Variants in TANC1 observed in about 807,000 individuals in gnomAD.
The protein encoded by TANC1 is protein TANC1.
Under a neutral mutation model 149.7 loss-of-function variants are expected in TANC1, and 77 were observed. That is an observed-to-expected ratio of 0.51 (90% CI 0.43 to 0.62). The LOEUF (loss-of-function observed/expected upper bound fraction) is 0.62, where lower values mean the gene tolerates loss of function less well. Among genes scored for constraint, TANC1 ranks in the 20% least tolerant of loss-of-function variants. The pLI, the probability that TANC1 is intolerant of heterozygous loss-of-function variation, is 0.00. For missense variants in TANC1, 1,985 were observed against 2,321.8 expected (o/e 0.85, Z 2.98); for synonymous variants, 854 against 925.0 (o/e 0.92, Z 1.39).
intron 16 of TANC1, among the ~76,000 whole-genome samples, chr2:159,187,485 G>A (rs577962655): frequency 1.3e-5 from 2 of 152,306 alleles, no homozygotes; most frequent in African/African-American, 4.8e-5. Context: ...CTATGGAAAG[G>A]GTATCAGCAT....
At chr2:159,219,977 A>C in intron 22 of TANC1, 110 bp downstream of exon 22, 1 of 558,970 alleles carries the variant, frequency 1.8e-6, no homozygotes, top group Non-Finnish European at 3.0e-6. Context: ...GTCATCAGAG[A>C]GTGTGTGTGT....
intron 16 of TANC1, among the ~76,000 whole-genome samples, chr2:159,192,799 G>C (rs1406543844): frequency 2.0e-5 from 3 of 152,074 alleles, no homozygotes; most frequent in African/African-American, 7.2e-5. Flanking sequence ...ACAGGCGTGC[G>C]CCACCACGCT....
chr2:159,222,079 T>C (rs994320515), intron 22 of TANC1, among the ~76,000 whole-genome samples: 1 of 152,220 alleles, frequency 6.6e-6, no homozygotes, highest in Non-Finnish European at 1.5e-5. Context: ...TTCAATGGTA[T>C]AAACTTCAGT....
chr2:159,219,722 G>A lies in TANC1; in HGVS notation c.3533G>A (p.Gly1178Asp). 1 of 1,614,222 alleles carries A rather than the reference G, an allele frequency of 6.2e-7. No homozygotes were observed. Among genetic ancestry groups the A allele is most frequent in the African/African-American group, 1.3e-5 (1 of 75,056 alleles). The change falls in exon 22 of 27, where the codon GGT (glycine) becomes GAT (aspartate). Residue 1178 changes from glycine (G) to aspartate (D), a missense_variant. Transcript: ENST00000263635. ...GCCCTTTCTTCTCTAGACAAAGAGG[G>A]TCTGTCAGCATTAAGCTGGGCTTGT... ...GAALSSLDKE[G>D]LSALSWACLK...
chr2:159,052,964 G>A (rs1207034728), intron 2 of TANC1, among the ~76,000 whole-genome samples: 1 of 152,214 alleles, frequency 6.6e-6, no homozygotes, highest in East Asian at 1.9e-4. Flanking sequence ...AGTTTTCTTT[G>A]TAATAAGACT....
intron 19 of TANC1, among the ~76,000 whole-genome samples, chr2:159,209,679 A>G (rs973020401): frequency 1.3e-5 from 2 of 152,182 alleles, no homozygotes; most frequent in African/African-American, 4.8e-5. Context: ...TAAAAAAAAG[A>G]AAAAATCCTA....
chr2:159,066,952 T>C (rs2042724958), intron 3 of TANC1, among the ~76,000 whole-genome samples: 1 of 152,214 alleles, frequency 6.6e-6, no homozygotes, highest in Non-Finnish European at 1.5e-5. Flanking sequence ...AATAAAAATA[T>C]GTTAGCATGA....
In TANC1 at chr2:159,175,114, A is replaced by G. The variant is rs1247689446; in HGVS notation, c.1665A>G (p.Arg555=). ...AACTACAGAGCATGCTGAGCCTCCG[A>G]TCCTGTGTGCAGGACCCGGTGGCAG... The part of the protein sequence containing the change: ...EPQLQSMLSL[R]SCVQDPVAAF... The change falls in exon 12 of 27, where the codon CGA becomes CGG. Residue 555 remains arginine, a synonymous_variant. Coordinates refer to ENST00000263635, the MANE Select transcript of TANC1 (RefSeq NM_033394.3). 5 of 1,614,070 alleles carry G rather than the reference A, an allele frequency of 3.1e-6. No individual in the cohort carries two copies. Among genetic ancestry groups the G allele is most frequent in the Non-Finnish European group, 4.2e-6 (5 of 1,180,038 alleles).
chr2:159,088,229 A>G (rs542683644), intron 3 of TANC1, among the ~76,000 whole-genome samples: 40 of 152,212 alleles, frequency 2.6e-4, no homozygotes, highest in Non-Finnish European at 5.1e-4. Flanking sequence ...TTTTGTTTGT[A>G]TCCTAGTAAA....
intron 2 of TANC1, among the ~76,000 whole-genome samples, chr2:159,004,641 G>A (rs1028801414): frequency 2.0e-5 from 3 of 151,928 alleles, no homozygotes; most frequent in African/African-American, 7.3e-5. Context: ...GGGTATGTGT[G>A]TATATAGTGG....
At chr2:159,063,750 G>A (rs2042433183) in intron 2 of TANC1, among the ~76,000 whole-genome samples, 1 of 152,236 alleles carries the variant, frequency 6.6e-6, no homozygotes, top group African/African-American at 2.4e-5. Flanking sequence ...TGGAAGGTAT[G>A]TCTATCCTGA....
At chr2:159,201,594 T>C (rs1449575648) in intron 19 of TANC1, among the ~76,000 whole-genome samples, 2 of 152,198 alleles carry the variant, frequency 1.3e-5, no homozygotes, top group Admixed American at 1.3e-4. Flanking sequence ...TCCTCATTCC[T>C]GGGTGTAGTC....
At chr2:159,132,861 AG>A (rs1574876327) in intron 4 of TANC1, among the ~76,000 whole-genome samples, 1 of 151,948 alleles carries the variant, frequency 6.6e-6, no homozygotes, top group Non-Finnish European at 1.5e-5. Flanking sequence ...CTGGCTCCTC[AG>A]GGTTGAGTCT....
In TANC1 at chr2:159,041,621, G is replaced by A. The variant is rs111625335; in HGVS notation, c.-15-24275G>A. ...GCAGGATATAATCTCCTGGTGTGCC[G>A]TTTGCTAAGACAGTTGGAAAAGTGC... On this transcript the variant is annotated intron_variant, in intron 2 of 26. Transcript: ENST00000263635. 3.3e-5 allele frequency among the ~76,000 whole-genome samples: 5 copies of A among 152,328 alleles called. No individual in the cohort carries two copies. In the South Asian group the frequency reaches 6.2e-4, roughly 19 times the overall value.
At chr2:158,977,825 G>A (rs1031248261) in intron 1 of TANC1, among the ~76,000 whole-genome samples, 2 of 152,086 alleles carry the variant, frequency 1.3e-5, no homozygotes, top group East Asian at 3.9e-4. Context: ...AGGCCCAGCT[G>A]TCCTCTCCTT....
At chr2:158,980,780 A>G (rs1180444405) in intron 1 of TANC1, among the ~76,000 whole-genome samples, 1 of 152,082 alleles carries the variant, frequency 6.6e-6, no homozygotes, top group Non-Finnish European at 1.5e-5. Flanking sequence ...ATCTCAAAAA[A>G]AAAAAAAAAA....
intron 2 of TANC1, among the ~76,000 whole-genome samples, chr2:159,053,008 G>A (rs1056846377): frequency 9.9e-5 from 15 of 152,104 alleles, no homozygotes; most frequent in Non-Finnish European, 2.2e-4. Flanking sequence ...ACACTCTGAG[G>A]GTACAGATTG....
chr2:159,227,483 A>G (rs1168463266), intron 24 of TANC1: 2 of 259,724 alleles, frequency 7.7e-6, no homozygotes, highest in African/African-American at 2.3e-5. Flanking sequence ...ATTTGAGATC[A>G]TTCTTGAAAT....
rs1332207733 is a variant in TANC1, at chr2:159,136,169, C to T, written c.260-25C>T. On this transcript the variant is annotated intron_variant, in intron 4 of 26. Coordinates refer to ENST00000263635, the MANE Select transcript of TANC1 (RefSeq NM_033394.3). ...TTGTTTGCATCTGGAAAAAATTAGC[C>T]ACACTCAGATCTTTCCCACTACAGG... The T allele has an allele frequency of 2.1e-6, 3 of 1,407,356 alleles. No individual in the cohort carries two copies. The South Asian group carries it at 3.4e-5, about 16-fold the overall frequency. The allele number at this position is 1,407,356 out of a possible 1,614,324, so 87.2% of individuals were successfully genotyped here. A position where few individuals can be genotyped will look rare whatever the true frequency, so the allele number is the denominator to read the frequency against.
Sources: allele counts gnomAD v4.1 joint callset (sites outside exome capture counted in the v4.1 genomes callset), GRCh38; gene constraint gnomAD v4.1.1; transcripts MANE v1.5; gene names NCBI Gene and HGNC (gene_info 2026-07-23, HGNC 2026-07-21).